Variants in AK8 observed in about 807,000 individuals in gnomAD.
AK8 encodes the protein ATP-AMP transphosphorylase 8.
Under a neutral mutation model 54.6 loss-of-function variants are expected in AK8, and 44 were observed. That is an observed-to-expected ratio of 0.81 (90% confidence interval 0.63 to 1.04). The LOEUF (loss-of-function observed/expected upper bound fraction) is 1.04. AK8 is among the 50% of genes least tolerant of loss of function. AK8 has a pLI of 0.00. For missense variants in AK8, 555 were observed against 613.6 expected, an observed-to-expected ratio of 0.90 and a Z score of 1.01; for synonymous variants, 239 against 245.6, an observed-to-expected ratio of 0.97 and a Z score of 0.25.
intron 10 of AK8, among the ~76,000 whole-genome samples, chr9:132,798,226 C>G (rs930037687): frequency 6.6e-6 from 1 of 152,188 alleles, no homozygotes; most frequent in Admixed American, 6.5e-5. Flanking sequence ...CCTGAAGACC[C>G]TGCCTTTAGT....
intron 9 of AK8, among the ~76,000 whole-genome samples, chr9:132,817,012 C>T (rs762460492): frequency 2.0e-5 from 3 of 152,126 alleles, no homozygotes; most frequent in Non-Finnish European, 4.4e-5. Flanking sequence ...ACTCCAGAGG[C>T]CTGGTAGAGA....
intron 10 of AK8, among the ~76,000 whole-genome samples, chr9:132,794,778 A>G (rs981600690): frequency 1.3e-5 from 2 of 152,218 alleles, no homozygotes; most frequent in African/African-American, 4.8e-5. Context: ...CAGGTTGTAG[A>G]CAGAACATGG....
chr9:132,783,479 C>T (rs956870420), intron 11 of AK8, among the ~76,000 whole-genome samples: 1 of 151,552 alleles, frequency 6.6e-6, no homozygotes, highest in South Asian at 2.1e-4. Context: ...AGACAAACAA[C>T]CAGCCTATTC....
Position 132,878,025 on chromosome 9 carries a change from G to A in AK8, c.84+147C>T. On this transcript the variant is annotated intron_variant, in intron 1 of 12. Coordinates refer to ENST00000298545, the MANE Select transcript of AK8 (RefSeq NM_152572.3). The surrounding 1 kb of genome is among the most constrained non-coding windows in gnomAD (Gnocchi z 4.7). ...GCTCGAGGGCCCCCTCGGGGTCACG[G>A]CGACACACGAATCGTACATCCCGAG... is the stretch of plus-strand genomic sequence containing the variant. The A allele has an allele frequency of 1.3e-6, 2 of 1,532,930 alleles. No homozygotes were observed. Among genetic ancestry groups the A allele is most frequent in the South Asian group, 2.4e-5 (2 of 83,206 alleles). The allele number at this position is 1,532,930 out of a possible 1,614,324, so 95.0% of individuals were successfully genotyped here.
Position 132,725,874 on chromosome 9 carries a change from G to C in AK8, c.1254C>G (p.Leu418=). ...PPPTMEIQAR[L]LQNPKDAEEQ... ...CTTCAGCATCCTTTGGGTTCTGCAG[G>C]AGGCGAGCCTGGATCTCCATGGTGG... The change falls in exon 13 of 13, where the codon CTC becomes CTG. Residue 418 remains leucine, a synonymous_variant. Coordinates refer to ENST00000298545, the MANE Select transcript of AK8 (RefSeq NM_152572.3). The C allele has an allele frequency of 1.2e-6, 2 of 1,611,586 alleles. No individual in the cohort carries two copies. Among genetic ancestry groups the C allele is most frequent in the Non-Finnish European group, 1.7e-6 (2 of 1,179,454 alleles).
At chr9:132,744,969 T>G (rs900400091) in intron 11 of AK8, among the ~76,000 whole-genome samples, 5 of 152,180 alleles carry the variant, frequency 3.3e-5, no homozygotes, top group African/African-American at 1.2e-4. Flanking sequence ...TCCCGCAGTC[T>G]GCGGAGTGGA....
chr9:132,828,672 T>A lies in AK8; in HGVS notation c.457A>T (p.Thr153Ser). The change falls in exon 6 of 13, where the codon ACC becomes TCC. Residue 153 changes from threonine (T) to serine (S), a missense_variant. By Grantham distance (58) the Thr-to-Ser change is moderately conservative. Transcript: ENST00000298545. ...ETREQALRIQ[T>S]LGITPRHVIV... ...ACGTGTCTGGGTGTGATCCCCAGGG[T>A]CTGGATCCTCAGAGCCTGCTCACGC... 6.2e-7 allele frequency: 1 copy of A among 1,612,600 alleles called. No homozygotes were observed. Among genetic ancestry groups the A allele is most frequent in the Non-Finnish European group, 8.5e-7 (1 of 1,179,298 alleles).
At chr9:132,834,458 A>G (rs1034474316) in intron 5 of AK8, among the ~76,000 whole-genome samples, 7 of 152,214 alleles carry the variant, frequency 4.6e-5, no homozygotes, top group Admixed American at 6.5e-5. Context: ...TTTTATCTCA[A>G]AGTTGAATCC....
At chr9:132,828,373 T>C (rs907882810) in intron 6 of AK8, among the ~76,000 whole-genome samples, 5 of 152,248 alleles carry the variant, frequency 3.3e-5, no homozygotes, top group African/African-American at 1.2e-4. Flanking sequence ...GCGCACTAAA[T>C]GCTTGCACAG....
chr9:132,762,191 C>A (rs1838507545), intron 11 of AK8, among the ~76,000 whole-genome samples: 1 of 152,060 alleles, frequency 6.6e-6, no homozygotes, highest in Non-Finnish European at 1.5e-5. Context: ...TTTAATTGAT[C>A]AATATTGCTA....
chr9:132,856,274 T>C (rs1175565292), intron 4 of AK8, among the ~76,000 whole-genome samples: 1 of 152,172 alleles, frequency 6.6e-6, no homozygotes. Context: ...GAGCAGAGAC[T>C]CGGACTTGGC....
Position 132,791,547 on chromosome 9 carries a change from A to T in AK8, c.1121+1087T>A, listed in dbSNP as rs1839946233. 6.6e-6 allele frequency among the ~76,000 whole-genome samples: 1 copy of T among 152,258 alleles called. No individual in the cohort carries two copies. The highest frequency in any genetic ancestry group is 2.4e-5 in the African/African-American group (1 of 41,468). On this transcript the variant is annotated intron_variant, in intron 11 of 12. Coordinates refer to ENST00000298545, the MANE Select transcript of AK8 (RefSeq NM_152572.3). The surrounding 1 kb of genome is among the most constrained non-coding windows in gnomAD (Gnocchi z 4.0). ...AAATATATAAAATAGACAATAAAGAAGATCAATGAGAGGGCCTTGTCCTGC... is the reference window on the plus strand; with the variant it reads ...AAATATATAAAATAGACAATAAAGATGATCAATGAGAGGGCCTTGTCCTGC...
intron 11 of AK8, chr9:132,769,370 A>G (rs1838858028): frequency 6.6e-6 from 1 of 152,058 alleles, no homozygotes; most frequent in Non-Finnish European, 1.5e-5. Context: ...AGCAAGGTTG[A>G]CTCGAATCTG....
At chr9:132,765,208 G>T (rs1564390058) in intron 11 of AK8, among the ~76,000 whole-genome samples, 1 of 137,718 alleles carries the variant, frequency 7.3e-6, no homozygotes, top group Non-Finnish European at 1.6e-5. Context: ...CGGGAGAGTT[G>T]CTTGAGCCCA....
chr9:132,760,109 A>C (rs1838382545), intron 11 of AK8, among the ~76,000 whole-genome samples: 1 of 152,004 alleles, frequency 6.6e-6, no homozygotes, highest in Admixed American at 6.5e-5. Flanking sequence ...AAACTTACAC[A>C]GTTTTTCCAA....
chr9:132,772,614 T>A (rs1055250131), intron 11 of AK8, among the ~76,000 whole-genome samples: 19 of 152,324 alleles, frequency 1.2e-4, no homozygotes, highest in African/African-American at 3.4e-4. Context: ...TACATTGCTG[T>A]GGCAGCCCCA....
intron 11 of AK8, among the ~76,000 whole-genome samples, chr9:132,757,309 A>C (rs1000984661): frequency 6.6e-6 from 1 of 152,198 alleles, no homozygotes; most frequent in Admixed American, 6.5e-5. Flanking sequence ...CACTGCACCA[A>C]CGAGGCCGTG....
In AK8 at chr9:132,837,649, G is replaced by A. The variant is rs4962220; in HGVS notation, c.403-8923C>T. On this transcript the variant is annotated intron_variant, in intron 5 of 12. Coordinates refer to ENST00000298545, the MANE Select transcript of AK8 (RefSeq NM_152572.3). The surrounding 1 kb of genome is among the most constrained non-coding windows in gnomAD (Gnocchi z 4.3). ...GCATCACACATCCACAGAGCATATC[G>A]GAACACGCGTTCCTGTCCACATGGA... is the stretch of plus-strand genomic sequence containing the variant. Among the ~76,000 whole-genome samples the A allele has an allele frequency of 0.36, 54,558 of 152,054 alleles. 11,871 individuals are homozygous for A. The highest frequency in any genetic ancestry group is 0.57 in the South Asian group (2,751 of 4,814).
intron 4 of AK8, among the ~76,000 whole-genome samples, chr9:132,859,629 C>T (rs1843306773): frequency 1.3e-5 from 2 of 151,530 alleles, no homozygotes; most frequent in African/African-American, 4.9e-5. Flanking sequence ...CCTCCCCTAC[C>T]CTGTCCCCCT....
Sources: allele counts gnomAD v4.1 joint callset (sites outside exome capture counted in the v4.1 genomes callset), GRCh38; gene constraint gnomAD v4.1.1; non-coding constraint Gnocchi (gnomAD v3.1); transcripts MANE v1.5; gene names NCBI Gene and HGNC (gene_info 2026-07-23, HGNC 2026-07-21).